The following STS variants were observed in gnomAD, a reference collection of about 807,000 sequenced individuals.
STS encodes the protein steroid sulfatase.
STS carries 7 observed loss-of-function variants against 26.8 expected under a neutral mutation model. That is an observed-to-expected ratio of 0.26 (90% CI 0.15 to 0.49). The LOEUF is 0.49. STS is among the 20% of genes least tolerant of loss of function. STS has a pLI of 0.98. For missense variants in STS, 434 were observed against 465.6 expected (o/e 0.93, Z 0.63); for synonymous variants, 199 against 189.4 (o/e 1.05, Z -0.42).
At chrX:7,151,521 C>T (rs1356394693) in intron 1 of STS, among the ~76,000 whole-genome samples, 6 of 112,103 alleles carry the variant, frequency 5.4e-5, no homozygotes, top group Admixed American at 1.9e-4. Context: ...TTCAGAGGCA[C>T]TGAATATTCT....
chrX:7,340,830 G>T (rs1308480921), intron 10 of STS, among the ~76,000 whole-genome samples: 1 of 111,896 alleles, frequency 8.9e-6, no homozygotes, highest in East Asian at 2.8e-4. Context: ...AATGATGGTT[G>T]TGTCTACCCT....
At chrX:7,322,546 G>A (rs1447824091) in intron 8 of STS, among the ~76,000 whole-genome samples, 1 of 111,583 alleles carries the variant, frequency 9.0e-6, no homozygotes, top group Non-Finnish European at 1.9e-5. Flanking sequence ...GATTATAGGC[G>A]TGCGCCACCA....
intron 8 of STS, among the ~76,000 whole-genome samples, chrX:7,323,193 T>C (rs189122563): frequency 2.7e-5 from 3 of 111,536 alleles, no homozygotes; most frequent in East Asian, 5.7e-4. Flanking sequence ...GTTGTAATCA[T>C]TGACCACAAA....
intron 2 of STS, among the ~76,000 whole-genome samples, chrX:7,217,355 TCAGA>T (rs1349888112): frequency 9.0e-6 from 1 of 111,072 alleles, no homozygotes; most frequent in African/African-American, 3.3e-5. Flanking sequence ...TCCCCAGAGG[TCAGA>T]CAGCTATGAT....
chrX:7,215,011 T>TATATATATATTATATATGTATATATATAC (rs1491420997), intron 2 of STS, among the ~76,000 whole-genome samples: 4 of 15,716 alleles, frequency 2.5e-4, no homozygotes, highest in African/African-American at 8.3e-4. Flanking sequence ...CATATATACG[T>TATATATATATTATATATGTATATATATAC]ATATATATAT....
chrX:7,234,465 G>A (rs774815166), intron 2 of STS, among the ~76,000 whole-genome samples: 6 of 112,150 alleles, frequency 5.3e-5, no homozygotes, highest in Non-Finnish European at 1.1e-4. Context: ...AACAGGAAAG[G>A]AAATAGAGGG....
At chrX:7,171,575 A>G (rs1262928147) in intron 1 of STS, among the ~76,000 whole-genome samples, 1 of 112,009 alleles carries the variant, frequency 8.9e-6, no homozygotes, top group Non-Finnish European at 1.9e-5. Context: ...CGTCCTCACC[A>G]TCAACAAACA....
intron 2 of STS, among the ~76,000 whole-genome samples, chrX:7,201,920 G>T (rs1291463783): frequency 9.0e-6 from 1 of 110,822 alleles, no homozygotes; most frequent in African/African-American, 3.3e-5. Flanking sequence ...AATCCACGAT[G>T]CTCATAATGG....
At chrX:7,341,804 A>T (rs775172192) in intron 10 of STS, among the ~76,000 whole-genome samples, 30 of 106,951 alleles carry the variant, frequency 2.8e-4, no homozygotes, top group African/African-American at 6.8e-4. Context: ...TTTTTTTTTT[A>T]AATTTATCCA....
intron 7 of STS, among the ~76,000 whole-genome samples, chrX:7,284,540 A>G (rs183433077): frequency 1.8e-5 from 2 of 112,883 alleles, no homozygotes; most frequent in East Asian, 5.6e-4. Flanking sequence ...AAGCAAATGT[A>G]TCCCCTAGTC....
chrX:7,165,075 T>C (rs1180467686), intron 1 of STS, among the ~76,000 whole-genome samples: 1 of 109,190 alleles, frequency 9.2e-6, no homozygotes, highest in Non-Finnish European at 1.9e-5. Flanking sequence ...CTTATTTGGT[T>C]TGTTAAAAAG....
rs1452214217 is a variant in STS, at chrX:7,148,084, G to A, written c.-134+1G>A. 1.8e-6 allele frequency: 2 copies of A among 1,135,240 alleles called. No individual in the cohort carries two copies. Among genetic ancestry groups the A allele is most frequent in the Admixed American group, 2.8e-5 (1 of 35,913 alleles). 93.6% of individuals were successfully genotyped at this position (1,135,240 alleles called of 1,213,427 possible). A position where few individuals can be genotyped will look rare whatever the true frequency, so the allele number is the denominator to read the frequency against. ...GAAGTCCGTCCATGTCAAAGATGAG[G>A]TGGGTGACGGGCTGCGGGGGCGCCG... On this transcript the variant is annotated splice_donor_variant, in intron 1 of 10. Coordinates refer to ENST00000674429, the MANE Select transcript of STS (RefSeq NM_001320752.2). LOFTEE classifies it low-confidence loss of function (5UTR_SPLICE).
Position 7,257,368 on chromosome X carries a change from C to T in STS, c.259+5C>T, listed in dbSNP as rs1338383025. On this transcript the variant is annotated splice_donor_5th_base_variant and intron_variant, in intron 4 of 10. Transcript: ENST00000674429. ...GCCGGTACCCTGTCCGATCAGGTAA[C>T]CTCCTATCTGCATCGCAGGGGCTGT... 1 of 1,195,884 alleles carries T rather than the reference C, an allele frequency of 8.4e-7. No individual in the cohort carries two copies. The highest frequency in any genetic ancestry group is 2.2e-5 in the Admixed American group (1 of 45,774).
chrX:7,215,471 G>C (rs1279827802), intron 2 of STS, among the ~76,000 whole-genome samples: 1 of 110,404 alleles, frequency 9.1e-6, no homozygotes, highest in Non-Finnish European at 1.9e-5. Flanking sequence ...GGTGAGAAAG[G>C]AGTGATGCAG....
At chrX:7,318,700 T>G (rs1273075195) in intron 8 of STS, among the ~76,000 whole-genome samples, 1 of 111,071 alleles carries the variant, frequency 9.0e-6, no homozygotes, top group Non-Finnish European at 1.9e-5. Context: ...GTGTGACAAT[T>G]TGTTAACACT....
intron 10 of STS, among the ~76,000 whole-genome samples, chrX:7,347,627 C>T (rs1452103137): frequency 9.0e-6 from 1 of 111,403 alleles, no homozygotes; most frequent in Non-Finnish European, 1.9e-5. Context: ...AGGCTCTTTA[C>T]ATGAATTTAT....
rs1287724047 is a variant in STS at position 7,320,014 on chromosome X, TTATATATATTTA to T, written c.1082-5307_1082-5296del. On this transcript the variant is annotated intron_variant, in intron 8 of 10. Transcript: ENST00000674429. ...TATATATATATTTTTATATATATAT[TTATATATATTTA>T]TATATATATTTATATATTATATATA... Among the ~76,000 whole-genome samples, 69 of 87,750 alleles carry T rather than the reference TTATATATATTTA, an allele frequency of 7.9e-4. 1 individual carries two copies. Among genetic ancestry groups the T allele is most frequent in the East Asian group, 5.3e-3 (17 of 3,225 alleles). 76.2% of individuals were successfully genotyped at this position (87,750 alleles called of 115,157 possible). A position where few individuals can be genotyped will look rare whatever the true frequency, so the allele number is the denominator to read the frequency against.
At chrX:7,197,825 T>C (rs1164751467) in intron 2 of STS, among the ~76,000 whole-genome samples, 2 of 111,296 alleles carry the variant, frequency 1.8e-5, no homozygotes, top group African/African-American at 3.3e-5. Context: ...TCACTCAAGA[T>C]TGAGTCGCTC....
rs779666227 is a variant in STS, at chrX:7,155,762, A to G, written c.-134+7679A>G. 6.2e-5 allele frequency among the ~76,000 whole-genome samples: 7 copies of G among 112,332 alleles called. No homozygotes were observed. The South Asian group carries it at 2.6e-3, about 41-fold the overall frequency. ...AAACTGTGACTTTAAGCAAAGCCACATATAACAAAACCAATTTTTTTCTCA... is the reference window on the plus strand; with the variant it reads ...AAACTGTGACTTTAAGCAAAGCCACGTATAACAAAACCAATTTTTTTCTCA... On this transcript the variant is annotated intron_variant, in intron 1 of 10. Transcript: ENST00000674429.
Sources: gnomAD v4.1 joint callset for allele counts (sites outside exome capture counted in the v4.1 genomes callset) on GRCh38, gnomAD v4.1.1 for gene constraint, MANE v1.5 for transcripts, NCBI Gene and HGNC (gene_info 2026-07-23, HGNC 2026-07-21) for gene names.